XXYLT1: variants seen among roughly 807,000 people sequenced by gnomAD.
XXYLT1 encodes UDP-xylose:alpha-xyloside alpha-1,3-xylosyltransferase.
A neutral mutation model predicts 28.9 loss-of-function variants in XXYLT1; 20 were observed. That is an observed-to-expected ratio of 0.69 (90% CI 0.49 to 1.00). XXYLT1 has a LOEUF of 1.00. Among genes scored for constraint, XXYLT1 ranks in the 50% least tolerant of loss-of-function variants. The pLI, the probability that XXYLT1 is intolerant of heterozygous loss-of-function variation, is 0.00. For synonymous variants in XXYLT1, 257 were observed against 253.8 expected, an observed-to-expected ratio of 1.01 and a Z score of -0.12; for missense variants, 542 against 560.1, an observed-to-expected ratio of 0.97 and a Z score of 0.33.
chr3:195,137,613 G>C (rs1369658241), intron 3 of XXYLT1, among the ~76,000 whole-genome samples: 1 of 152,192 alleles, frequency 6.6e-6, no homozygotes, highest in African/African-American at 2.4e-5. Flanking sequence ...TTCAGAGGTG[G>C]TGCTGCTGCG....
At chr3:195,142,813 A>C (rs1388758907) in intron 3 of XXYLT1, among the ~76,000 whole-genome samples, 1 of 152,206 alleles carries the variant, frequency 6.6e-6, no homozygotes, top group Non-Finnish European at 1.5e-5. Flanking sequence ...AGTGGGAAGC[A>C]GTGAGGATAT....
intron 2 of XXYLT1, among the ~76,000 whole-genome samples, chr3:195,166,452 T>C (rs1721126015): frequency 1.3e-5 from 2 of 152,198 alleles, no homozygotes; most frequent in Non-Finnish European, 1.5e-5. Flanking sequence ...AAGGACACTC[T>C]CTTTCAGAAC....
chr3:195,182,856 G>C (rs562995837), intron 2 of XXYLT1, among the ~76,000 whole-genome samples: 1 of 152,172 alleles, frequency 6.6e-6, no homozygotes, highest in African/African-American at 2.4e-5. Context: ...ACAACTCCCT[G>C]AACCCCAAAA....
intron 3 of XXYLT1, among the ~76,000 whole-genome samples, chr3:195,110,921 GTGGTGTGT>G (rs1354104871): frequency 2.0e-4 from 3 of 15,354 alleles, no homozygotes; most frequent in African/African-American, 6.4e-4. Context: ...GTGTGTGTGT[GTGGTGTGT>G]GTGAGGTATG....
chr3:195,229,508 T>A (rs1026522387), intron 1 of XXYLT1, among the ~76,000 whole-genome samples: 1 of 152,212 alleles, frequency 6.6e-6, no homozygotes, highest in Non-Finnish European at 1.5e-5. Flanking sequence ...ATTTTTTGTA[T>A]CCATTAACCA....
intron 1 of XXYLT1, among the ~76,000 whole-genome samples, chr3:195,231,304 T>C (rs553885189): frequency 2.6e-4 from 39 of 152,320 alleles, no homozygotes; most frequent in African/African-American, 8.4e-4. Context: ...TTTAGGTTTT[T>C]CCAAATAGGA....
intron 2 of XXYLT1, among the ~76,000 whole-genome samples, chr3:195,205,134 A>T (rs989954275): frequency 2.0e-5 from 3 of 152,262 alleles, no homozygotes; most frequent in South Asian, 2.1e-4. Flanking sequence ...CCAATTTTTT[A>T]TAAAATGAAA....
At chr3:195,142,947 G>A (rs895762013) in intron 3 of XXYLT1, among the ~76,000 whole-genome samples, 1 of 152,228 alleles carries the variant, frequency 6.6e-6, no homozygotes, top group African/African-American at 2.4e-5. Flanking sequence ...GGCACCGAGA[G>A]GAGTTTAAAG....
intron 3 of XXYLT1, among the ~76,000 whole-genome samples, chr3:195,087,005 C>T (rs1247726294): frequency 6.6e-6 from 1 of 152,276 alleles, no homozygotes; most frequent in Middle Eastern, 3.4e-3. Context: ...TAGGCCTTCC[C>T]AGCTCCAGGT....
intron 2 of XXYLT1, among the ~76,000 whole-genome samples, chr3:195,164,414 C>T (rs1292118505): frequency 6.6e-6 from 1 of 152,244 alleles, no homozygotes; most frequent in Admixed American, 6.5e-5. Context: ...CAACAAGATC[C>T]GTGCCTGCCA....
At chr3:195,164,052 T>C (rs1720996302) in intron 2 of XXYLT1, among the ~76,000 whole-genome samples, 1 of 152,264 alleles carries the variant, frequency 6.6e-6, no homozygotes, top group Non-Finnish European at 1.5e-5. Context: ...ATGCATTCTT[T>C]TATGGGCAAA....
rs12495659 is a variant in XXYLT1, at chr3:195,210,930, G to A, written c.652+15779C>T. Among the ~76,000 whole-genome samples the A allele has an allele frequency of 0.03, 4,589 of 152,218 alleles. 139 individuals carry two copies. Among genetic ancestry groups the A allele is most frequent in the East Asian group, 0.1 (527 of 5,186 alleles). The stretch of plus-strand genomic sequence containing the variant: ...ACGCTGACAGTCAAGGGCAGCACCC[G>A]CCACAGCAGGAATCAGAGTTCTCCA... On this transcript the variant is annotated intron_variant, in intron 2 of 3. Coordinates refer to ENST00000310380, the MANE Select transcript of XXYLT1 (RefSeq NM_152531.5). The surrounding 1 kb of genome is among the most constrained non-coding windows in gnomAD (Gnocchi z 4.8).
intron 3 of XXYLT1, among the ~76,000 whole-genome samples, chr3:195,125,011 T>C (rs978476920): frequency 3.3e-5 from 5 of 152,242 alleles, no homozygotes; most frequent in South Asian, 2.1e-4. Flanking sequence ...TTTATTCATT[T>C]ATTACACATT....
At chr3:195,181,770 C>A (rs1047566915) in intron 2 of XXYLT1, among the ~76,000 whole-genome samples, 1 of 152,100 alleles carries the variant, frequency 6.6e-6, no homozygotes, top group South Asian at 2.1e-4. Flanking sequence ...CAGCTGATAC[C>A]CTTAACCACT....
chr3:195,212,451 C>T (rs1723364324), intron 2 of XXYLT1, among the ~76,000 whole-genome samples: 2 of 152,220 alleles, frequency 1.3e-5, no homozygotes, highest in East Asian at 3.8e-4. Context: ...CCAGGACAGC[C>T]CTTCAGAAGA....
intron 2 of XXYLT1, among the ~76,000 whole-genome samples, chr3:195,179,066 G>A (rs751750244): frequency 1.8e-4 from 28 of 152,080 alleles, no homozygotes; most frequent in Non-Finnish European, 4.0e-4. Context: ...ATGGGGCCGG[G>A]CGCGGTGGCT....
intron 3 of XXYLT1, among the ~76,000 whole-genome samples, chr3:195,144,736 T>A (rs1034133494): frequency 6.6e-6 from 1 of 152,150 alleles, no homozygotes; most frequent in African/African-American, 2.4e-5. Context: ...AGGATTCTAC[T>A]ACTCCTTTTA....
At chr3:195,161,103 T>G (rs930311933) in intron 2 of XXYLT1, among the ~76,000 whole-genome samples, 6 of 152,130 alleles carry the variant, frequency 3.9e-5, no homozygotes, top group African/African-American at 1.4e-4. Flanking sequence ...AGGGAAGGGA[T>G]GTCTGTGTGC....
chr3:195,184,135 C>T (rs150597422), intron 2 of XXYLT1, among the ~76,000 whole-genome samples: 1 of 152,184 alleles, frequency 6.6e-6, no homozygotes, highest in Non-Finnish European at 1.5e-5. Context: ...GCAAAGACAA[C>T]CATCAGAGCA....
Sources: allele counts gnomAD v4.1 joint callset (sites outside exome capture counted in the v4.1 genomes callset), GRCh38; gene constraint gnomAD v4.1.1; non-coding constraint Gnocchi (gnomAD v3.1); transcripts MANE v1.5; gene names NCBI Gene and HGNC (gene_info 2026-07-23, HGNC 2026-07-21).